FBN3: variants seen among roughly 807,000 people sequenced by gnomAD.
The protein encoded by FBN3 is fibrillin-3.
FBN3 carries 234 observed loss-of-function variants against 330.1 expected under a neutral mutation model. That is an observed-to-expected ratio of 0.71 (90% CI 0.64 to 0.79). FBN3 has a LOEUF of 0.79. Ranked by LOEUF, FBN3 falls within the 30% of genes least tolerant of loss-of-function variation. FBN3 has a pLI of 0.00. For missense variants in FBN3, 3,606 were observed against 3,886.9 expected (o/e 0.93, Z 1.92); for synonymous variants, 1,458 against 1,517.3 (o/e 0.96, Z 0.91).
chr19:8,143,049 GC>G (rs1357428701), intron 6 of FBN3, among the ~76,000 whole-genome samples: 3 of 152,070 alleles, frequency 2.0e-5, no homozygotes, highest in African/African-American at 7.2e-5. Flanking sequence ...GCACCCAGAT[GC>G]CTCTGCATCT....
rs375980475 is a variant in FBN3, at chr19:8,072,045, C to T, written c.8088+3G>A. On this transcript the variant is annotated splice_donor_region_variant and intron_variant, in intron 63 of 63. Transcript: ENST00000600128. ...CCCCTGCCTAGTGCAGCACCCATGT[C>T]ACCTGGTGGTCCCTGTGGGCACTGC... is the stretch of plus-strand genomic sequence containing the variant. 16 of 1,611,066 alleles carry T rather than the reference C, an allele frequency of 9.9e-6. No homozygotes were observed. Among genetic ancestry groups the T allele is most frequent in the Non-Finnish European group, 1.4e-5 (16 of 1,179,534 alleles).
rs767566930 is a variant in FBN3 at position 8,123,591 on chromosome 19, T to A, written c.2957-2A>T. 14 of 1,614,032 alleles carry A rather than the reference T, an allele frequency of 8.7e-6. No homozygotes were observed. The East Asian group carries it at 8.9e-5, about 10-fold the overall frequency. On this transcript the variant is annotated splice_acceptor_variant, in intron 23 of 63. Transcript: ENST00000600128. LOFTEE classifies it high-confidence loss of function. ...GGAACACCTTGCATTCATTCACATCTGAAGTACAGGGGCATCAAACCACCC... is the reference window on the plus strand; with the variant it reads ...GGAACACCTTGCATTCATTCACATCAGAAGTACAGGGGCATCAAACCACCC...
chr19:8,118,758 CT>C (rs1434880458), intron 26 of FBN3, 138 bp downstream of exon 26: 1 of 1,067,062 alleles, frequency 9.4e-7, no homozygotes, highest in African/African-American at 1.6e-5. Flanking sequence ...CACTTGCACG[CT>C]CACACATAGG....
Position 8,141,703 on chromosome 19 carries a change from C to G in FBN3, c.865+14G>C, listed in dbSNP as rs765878109. 68 of 1,607,920 alleles carry G rather than the reference C, an allele frequency of 4.2e-5. No homozygotes were observed. Among genetic ancestry groups the G allele is most frequent in the Non-Finnish European group, 5.4e-5 (64 of 1,176,374 alleles). ...ACAGAGGAGGTCTCAGGTTGTCCCC[C>G]TCCAGTCACCCACCTTCACATGCGG... is the stretch of plus-strand genomic sequence containing the variant. On this transcript the variant is annotated intron_variant, in intron 8 of 63. Coordinates refer to ENST00000600128, the MANE Select transcript of FBN3 (RefSeq NM_032447.5).
chr19:8,147,425 G>T lies in FBN3; in HGVS notation c.56C>A (p.Ala19Asp), dbSNP rs953464467. ...ARGPLARLLL[A>D]WSALLCMAGG... ...TGCCATGCACAACAGGGCCGACCAG[G>T]CCAGCAGGAGCCGGGCCAGGGGGCC... is the stretch of plus-strand genomic sequence containing the variant. Residue 19 changes from alanine (A) to aspartate (D), a missense_variant, in exon 2 of 64, where the codon GCC becomes GAC. By Grantham distance (126) the Ala-to-Asp change is moderately radical. Transcript: ENST00000600128. 1.9e-6 allele frequency: 3 copies of T among 1,583,992 alleles called. No homozygotes were observed. Among genetic ancestry groups the T allele is most frequent in the Non-Finnish European group, 2.6e-6 (3 of 1,167,002 alleles).
At chr19:8,088,392 A>C (rs1273869169) in intron 51 of FBN3, among the ~76,000 whole-genome samples, 1 of 149,268 alleles carries the variant, frequency 6.7e-6, no homozygotes, top group Non-Finnish European at 1.5e-5. Context: ...ATGAGTGAGC[A>C]AGGGAGTGAG....
chr19:8,097,099 G>A, intron 42 of FBN3, 93 bp from the exon 43 acceptor site: 3 of 1,538,416 alleles, frequency 2.0e-6, no homozygotes, highest in East Asian at 2.3e-5. Context: ...CGGAGCAGGT[G>A]GTTTCTCTGG....
chr19:8,103,408 C>T (rs1043460060), intron 39 of FBN3, among the ~76,000 whole-genome samples, 154 bp downstream of exon 39: 7 of 152,182 alleles, frequency 4.6e-5, no homozygotes, highest in East Asian at 1.9e-4. Flanking sequence ...CAGCTCTGGG[C>T]TCCTGAGTCC....
At chr19:8,139,932 C>A (rs1179001489) in intron 8 of FBN3, among the ~76,000 whole-genome samples, 1 of 151,874 alleles carries the variant, frequency 6.6e-6, no homozygotes, top group Non-Finnish European at 1.5e-5. Context: ...CTCCCTGGTC[C>A]CCTCCCCTTG....
chr19:8,129,124 G>T lies in FBN3; in HGVS notation c.2200C>A (p.Leu734Met). 3.7e-6 allele frequency: 6 copies of T among 1,613,132 alleles called. No individual in the cohort carries two copies. Among genetic ancestry groups the T allele is most frequent in the Non-Finnish European group, 5.1e-6 (6 of 1,179,984 alleles). Residue 734 changes from leucine to methionine, a missense_variant, in exon 18 of 64, where the codon CTG (leucine) becomes ATG (methionine). Coordinates refer to ENST00000600128, the MANE Select transcript of FBN3 (RefSeq NM_032447.5). This position sits in a 1 kb window ranked among gnomAD's most constrained non-coding sequence, Gnocchi z 4.5. ...TTCTGGCACCACCCGTTGTCACACA[G>T]GAGGCTGTTGAGGGCACACTCATCC... ...DVDECALNSLLCDNGWCQNSP... is the reference protein window; with the variant it reads ...DVDECALNSLMCDNGWCQNSP...
chr19:8,089,613 G>A lies in FBN3; in HGVS notation c.6308C>T (p.Thr2103Ile). The part of the protein sequence containing the change: ...GVCTNGVCVN[T>I]DGSFRCECPF... ...ACACTCACAGCGGAAGGATCCATCG[G>A]TGTTGACACAGACGCCGTTAGTGCA... The change falls in exon 51 of 64, where the codon ACC (threonine) becomes ATC (isoleucine). Residue 2103 changes from threonine to isoleucine, a missense_variant. Physicochemically the swap from Thr to Ile is moderately conservative, Grantham distance 89. Transcript: ENST00000600128. The A allele has an allele frequency of 6.2e-7, 1 of 1,614,224 alleles. No homozygotes were observed. Among genetic ancestry groups the A allele is most frequent in the African/African-American group, 1.3e-5 (1 of 75,058 alleles).
At position 8,109,692 on chromosome 19, in the gene FBN3, G is replaced by A; in HGVS notation, c.4395C>T (p.Gly1465=). ...CCTGGGGGCAGCTGCAGAGGTAGCT[G>A]CCGGGGGTGTTAATGCACACGCCGT... ...CINGVCINTP[G]SYLCSCPQDF... is the part of the protein sequence containing the mutation. Residue 1465 remains glycine, a synonymous_variant, in exon 35 of 64, where the codon GGC becomes GGT. Coordinates refer to ENST00000600128, the MANE Select transcript of FBN3 (RefSeq NM_032447.5). This position sits in a 1 kb window ranked among gnomAD's most constrained non-coding sequence, Gnocchi z 5.2. 1 of 1,563,036 alleles carries A rather than the reference G, an allele frequency of 6.4e-7. No individual in the cohort carries two copies. The highest frequency in any genetic ancestry group is 8.6e-7 in the Non-Finnish European group (1 of 1,156,686).
intron 53 of FBN3, 99 bp downstream of exon 53, chr19:8,087,726 A>G (rs2081998056): frequency 1.8e-6 from 2 of 1,085,104 alleles, no homozygotes; most frequent in South Asian, 1.3e-5. Context: ...CCTGTCTCTC[A>G]GCCTCCCAAG....
chr19:8,144,187 G>A (rs550511972), intron 6 of FBN3, among the ~76,000 whole-genome samples: 11 of 152,092 alleles, frequency 7.2e-5, no homozygotes, highest in African/African-American at 2.6e-4. Context: ...GATCACTTGA[G>A]GCCAGGAGTT....
rs896678286 is a variant in FBN3 at position 8,147,362 on chromosome 19, G to C, written c.119C>G (p.Ala40Gly). The C allele has an allele frequency of 9.4e-6, 15 of 1,601,912 alleles. No individual in the cohort carries two copies. The highest frequency in any genetic ancestry group is 1.3e-5 in the Non-Finnish European group (15 of 1,176,186). ...CCGCCTCCGCACACGTCCAGGACCTGCAGCCTCCAAGGCCCCGTCCCAGCG... is the reference window on the plus strand; with the variant it reads ...CCGCCTCCGCACACGTCCAGGACCTCCAGCCTCCAAGGCCCCGTCCCAGCG... ...QGRWDGALEA[A>G]GPGRVRRRGS... The change falls in exon 2 of 64, where the codon GCA becomes GGA. Residue 40 changes from alanine to glycine, a missense_variant. Physicochemically the swap from Ala to Gly is moderately conservative, Grantham distance 60. Coordinates refer to ENST00000600128, the MANE Select transcript of FBN3 (RefSeq NM_032447.5).
Position 8,096,325 on chromosome 19 carries a change from G to A in FBN3, c.5539+119C>T. On this transcript the variant is annotated intron_variant, in intron 44 of 63. Transcript: ENST00000600128. This position sits in a 1 kb window ranked among gnomAD's most constrained non-coding sequence, Gnocchi z 4.6. ...CCATTTACCCAAGATCTTAATCTCA[G>A]GACCCAAACTTGGATCTCTTTGTGA... is the stretch of plus-strand genomic sequence containing the variant. 1 of 1,292,126 alleles carries A rather than the reference G, an allele frequency of 7.7e-7. No individual in the cohort carries two copies. The highest frequency in any genetic ancestry group is 2.5e-5 in the Admixed American group (1 of 40,786). 80.0% of individuals were successfully genotyped at this position (1,292,126 alleles called of 1,614,324 possible). A position where few individuals can be genotyped will look rare whatever the true frequency, so the allele number is the denominator to read the frequency against.
chr19:8,083,337 C>T lies in FBN3; in HGVS notation c.7123G>A (p.Ala2375Thr), dbSNP rs1346680576. 6.2e-7 allele frequency: 1 copy of T among 1,614,096 alleles called. No individual in the cohort carries two copies. Among genetic ancestry groups the T allele is most frequent in the Non-Finnish European group, 8.5e-7 (1 of 1,180,014 alleles). ...AGGCTGTTGATGCACTCCCCATGAG[C>T]ACACAGGTGAGCAAGCATACGGCAT... ...DECRMLAHLCAHGECINSLGS... is the reference protein window; with the variant it reads ...DECRMLAHLCTHGECINSLGS... Residue 2375 changes from alanine to threonine, a missense_variant, in exon 57 of 64, where the codon GCT becomes ACT. Coordinates refer to ENST00000600128, the MANE Select transcript of FBN3 (RefSeq NM_032447.5).
intron 59 of FBN3, among the ~76,000 whole-genome samples, chr19:8,078,144 C>A (rs2081686832): frequency 6.6e-6 from 1 of 152,182 alleles, no homozygotes; most frequent in Admixed American, 6.6e-5. Context: ...GCAAAGCAAA[C>A]CAAGTGTCAG....
intron 18 of FBN3, 32 bp downstream of exon 18, chr19:8,128,996 G>C (rs1310461331): frequency 6.3e-7 from 1 of 1,596,908 alleles, no homozygotes; most frequent in Non-Finnish European, 8.5e-7. Context: ...ATATGTGTGT[G>C]TGCAAACCCA....
Sources: gnomAD v4.1 joint callset for allele counts (sites outside exome capture counted in the v4.1 genomes callset) on GRCh38, gnomAD v4.1.1 for gene constraint, Gnocchi (gnomAD v3.1) non-coding constraint, MANE v1.5 for transcripts, NCBI Gene and HGNC (gene_info 2026-07-23, HGNC 2026-07-21) for gene names.